KCND3: variants seen among roughly 807,000 people sequenced by gnomAD.
KCND3 encodes the protein potassium voltage-gated channel subfamily D member 3, also known as A-type voltage-gated potassium channel KCND3.
Under a neutral mutation model 51.1 loss-of-function variants are expected in KCND3, and 9 were observed. The observed-to-expected ratio is 0.18, with a 90% CI of 0.11 to 0.31. The LOEUF is 0.31. KCND3 is among the 10% of genes least tolerant of loss of function. The pLI is 1.00. For missense variants in KCND3, 526 were observed against 903.8 expected, an observed-to-expected ratio of 0.58 and a Z score of 5.36; for synonymous variants, 349 against 368.0, an observed-to-expected ratio of 0.95 and a Z score of 0.59.
At chr1:111,823,967 A>T (rs374044475) in intron 2 of KCND3, among the ~76,000 whole-genome samples, 16 of 152,334 alleles carry the variant, frequency 1.1e-4, no homozygotes, top group African/African-American at 3.6e-4. Flanking sequence ...GTAAACAGAC[A>T]ATGCCCAGCA....
intron 2 of KCND3, among the ~76,000 whole-genome samples, chr1:111,821,142 T>A (rs1293688022): frequency 6.6e-6 from 1 of 152,204 alleles, no homozygotes; most frequent in East Asian, 1.9e-4. Context: ...AAGAGATCCG[T>A]GTGCTGTCTT....
intron 2 of KCND3, among the ~76,000 whole-genome samples, chr1:111,918,422 A>T (rs747966992): frequency 6.6e-6 from 1 of 152,220 alleles, no homozygotes; most frequent in Non-Finnish European, 1.5e-5. Context: ...CTTCTCTAGC[A>T]TCTCTTAAGG....
chr1:111,842,994 C>A (rs948790309), intron 2 of KCND3, among the ~76,000 whole-genome samples: 1 of 152,154 alleles, frequency 6.6e-6, no homozygotes, highest in Admixed American at 6.5e-5. Flanking sequence ...GGCATGAGTT[C>A]CACCCTTTGC....
intron 3 of KCND3, among the ~76,000 whole-genome samples, chr1:111,783,030 C>T (rs978206573): frequency 4.6e-5 from 7 of 151,950 alleles, no homozygotes; most frequent in African/African-American, 7.3e-5. Context: ...TTATGATGGC[C>T]GAGGAAGGAA....
intron 2 of KCND3, among the ~76,000 whole-genome samples, chr1:111,916,518 G>C (rs962242360): frequency 1.3e-5 from 2 of 151,986 alleles, no homozygotes; most frequent in South Asian, 2.1e-4. Context: ...TAAGAAACCA[G>C]GAAAAGAAGA....
chr1:111,780,185 G>A lies in KCND3; in HGVS notation c.1461+40C>T. 6.5e-7 allele frequency: 1 copy of A among 1,528,592 alleles called. No homozygotes were observed. Among genetic ancestry groups the A allele is most frequent in the Non-Finnish European group, 8.9e-7 (1 of 1,124,848 alleles). The allele number at this position is 1,528,592 out of a possible 1,614,324, so 94.7% of individuals were successfully genotyped here. On this transcript the variant is annotated intron_variant, in intron 5 of 7. Transcript: ENST00000302127. The surrounding 1 kb of genome is among the most constrained non-coding windows in gnomAD (Gnocchi z 4.2). ...AGTACAGCCTTAGAAAAGGGTCAGGGTCAGCGATGAAAAGGAGGTGGCAAA... is the reference window on the plus strand; with the variant it reads ...AGTACAGCCTTAGAAAAGGGTCAGGATCAGCGATGAAAAGGAGGTGGCAAA...
chr1:111,824,824 TA>T (rs1291661501), intron 2 of KCND3, among the ~76,000 whole-genome samples: 2 of 152,156 alleles, frequency 1.3e-5, no homozygotes, highest in Non-Finnish European at 2.9e-5. Flanking sequence ...TTTCCACACA[TA>T]GTTACATTTC....
chr1:111,798,006 C>T (rs1013458650), intron 2 of KCND3, among the ~76,000 whole-genome samples: 4 of 152,190 alleles, frequency 2.6e-5, no homozygotes, highest in African/African-American at 7.2e-5. Flanking sequence ...GGCAATGACA[C>T]TGGGGATGGG....
intron 2 of KCND3, among the ~76,000 whole-genome samples, chr1:111,939,788 G>A (rs2101882318): frequency 6.6e-6 from 1 of 152,306 alleles, no homozygotes. Flanking sequence ...CTAGATCCTT[G>A]AGGAATCGCC....
chr1:111,893,410 T>C (rs897773586), intron 2 of KCND3, among the ~76,000 whole-genome samples: 8 of 152,012 alleles, frequency 5.3e-5, no homozygotes, highest in African/African-American at 1.9e-4. Flanking sequence ...GTGCAGAATA[T>C]GGAGGAAGTC....
intron 2 of KCND3, among the ~76,000 whole-genome samples, chr1:111,843,281 C>T (rs1667410166): frequency 6.6e-6 from 1 of 152,212 alleles, no homozygotes; most frequent in South Asian, 2.1e-4. Context: ...TTCTGATAGA[C>T]TCCAGTCCCA....
intron 7 of KCND3, among the ~76,000 whole-genome samples, chr1:111,776,575 C>G (rs1477405684): frequency 1.3e-5 from 2 of 152,110 alleles, no homozygotes; most frequent in African/African-American, 4.8e-5. Context: ...CTCTGCAACG[C>G]ATTTGGAGGT....
At chr1:111,969,007 G>C (rs1170056793) in intron 2 of KCND3, among the ~76,000 whole-genome samples, 7 of 152,008 alleles carry the variant, frequency 4.6e-5, no homozygotes, top group African/African-American at 7.2e-5. Flanking sequence ...ACCCTCTCAG[G>C]CTTTTTTTTT....
At chr1:111,785,685 C>T (rs1402215221) in intron 3 of KCND3, among the ~76,000 whole-genome samples, 2 of 152,076 alleles carry the variant, frequency 1.3e-5, no homozygotes, top group Non-Finnish European at 2.9e-5. Context: ...CTTTCGTAAC[C>T]TTTATAGCTT....
intron 2 of KCND3, among the ~76,000 whole-genome samples, chr1:111,881,669 G>C (rs890985582): frequency 6.6e-6 from 1 of 152,158 alleles, no homozygotes; most frequent in Non-Finnish European, 1.5e-5. Flanking sequence ...CAAAGGGCAG[G>C]GGCATGGAAG....
rs562246722 is a variant in KCND3, at chr1:111,891,784, T to C, written c.1106+89837A>G. Among the ~76,000 whole-genome samples, 13 of 152,324 alleles carry C rather than the reference T, an allele frequency of 8.5e-5. No homozygotes were observed. In the South Asian group the frequency reaches 2.5e-3, roughly 29 times the overall value. On this transcript the variant is annotated intron_variant, in intron 2 of 7. Transcript: ENST00000302127. ...AATATTTGCTGAGTAAATGAATAAA[T>C]TGGTATCTGTACTTAGTTTCTTGCC...
intron 2 of KCND3, among the ~76,000 whole-genome samples, chr1:111,951,031 G>A (rs368595222): frequency 4.6e-5 from 7 of 151,890 alleles, no homozygotes; most frequent in South Asian, 2.1e-4. Flanking sequence ...TTAGCTGGGC[G>A]TGGTGGTGCA....
At chr1:111,787,985 C>G (rs1276962291) in intron 2 of KCND3, among the ~76,000 whole-genome samples, 1 of 152,224 alleles carries the variant, frequency 6.6e-6, no homozygotes, top group Non-Finnish European at 1.5e-5. Context: ...GGACCATGAG[C>G]TCTGAAGCTC....
rs1047942862 is a variant in KCND3, at chr1:111,772,832, T to C, written c.*3245A>G. On this transcript the variant is annotated 3_prime_UTR_variant, in exon 8 of 8. Transcript: ENST00000302127. ...GGAATAGGTGGTTTTGGGAATATTT[T>C]ATTATGTCAAAGTGGTTCATGAACT... 2.6e-5 allele frequency: 4 copies of C among 152,232 alleles called. No homozygotes were observed. The highest frequency in any genetic ancestry group is 9.6e-5 in the African/African-American group (4 of 41,456). The allele number at this position is 152,232 out of a possible 1,614,324, so 9.4% of individuals were successfully genotyped here.
Sources: allele counts gnomAD v4.1 joint callset (sites outside exome capture counted in the v4.1 genomes callset), GRCh38; gene constraint gnomAD v4.1.1; non-coding constraint Gnocchi (gnomAD v3.1); transcripts MANE v1.5; gene names NCBI Gene and HGNC (gene_info 2026-07-23, HGNC 2026-07-21).